FNBP1: variants seen among roughly 807,000 people sequenced by gnomAD.
The protein encoded by FNBP1 is formin-binding protein 1.
Under a neutral mutation model 90.6 loss-of-function variants are expected in FNBP1, and 26 were observed. That is an observed-to-expected ratio of 0.29 (90% CI 0.21 to 0.40). FNBP1 has a LOEUF of 0.40. Ranked by LOEUF, FNBP1 falls within the 10% of genes least tolerant of loss-of-function variation. FNBP1 has a pLI of 1.00. For missense variants in FNBP1, 635 were observed against 768.0 expected, an observed-to-expected ratio of 0.83 and a Z score of 2.05; for synonymous variants, 260 against 265.2, an observed-to-expected ratio of 0.98 and a Z score of 0.19.
At chr9:130,001,477 T>A (rs2054843472) in intron 1 of FNBP1, among the ~76,000 whole-genome samples, 1 of 152,146 alleles carries the variant, frequency 6.6e-6, no homozygotes, top group African/African-American at 2.4e-5. Context: ...AAAAAGACAA[T>A]CCTTAATAAA....
rs557914954 is a variant in FNBP1, at chr9:129,938,034, C to T, written c.514-8339G>A. 2.0e-5 allele frequency among the ~76,000 whole-genome samples: 3 copies of T among 152,004 alleles called. No individual in the cohort carries two copies. The East Asian group carries it at 5.8e-4, about 29-fold the overall frequency. On this transcript the variant is annotated intron_variant, in intron 6 of 16. Coordinates refer to ENST00000446176, the MANE Select transcript of FNBP1 (RefSeq NM_015033.3). ...CAAAAATTAGTCGAGTGTGGTGGTGCGTGCCTGTAGTCCCTGCTCCTAGGA... is the reference window on the plus strand; with the variant it reads ...CAAAAATTAGTCGAGTGTGGTGGTGTGTGCCTGTAGTCCCTGCTCCTAGGA...
intron 1 of FNBP1, among the ~76,000 whole-genome samples, chr9:130,034,403 G>A (rs1303046343): frequency 6.6e-6 from 1 of 151,328 alleles, no homozygotes; most frequent in East Asian, 1.9e-4. Context: ...GGCTCATTTG[G>A]GCCCAGGAGA....
At chr9:129,913,248 G>A (rs2039654967) in intron 11 of FNBP1, among the ~76,000 whole-genome samples, 1 of 152,048 alleles carries the variant, frequency 6.6e-6, no homozygotes, top group South Asian at 2.1e-4. Context: ...GCTACATATG[G>A]TAGTGGCTAC....
chr9:129,950,832 C>T (rs1174939180), intron 6 of FNBP1, among the ~76,000 whole-genome samples: 2 of 152,156 alleles, frequency 1.3e-5, no homozygotes, highest in African/African-American at 4.8e-5. Context: ...CTTGCTCTGT[C>T]ACCCAGGCTG....
intron 1 of FNBP1, among the ~76,000 whole-genome samples, chr9:130,021,999 C>T (rs1297987854): frequency 6.6e-6 from 1 of 151,884 alleles, no homozygotes; most frequent in Non-Finnish European, 1.5e-5. Context: ...GTAGCTGGGA[C>T]CACAGGTGCA....
chr9:129,924,847 T>G (rs987779581), intron 9 of FNBP1, 113 bp downstream of exon 9: 11 of 922,756 alleles, frequency 1.2e-5, no homozygotes, highest in Admixed American at 5.6e-5. Flanking sequence ...CACACTAGCT[T>G]CTTCTTTTGC....
Position 129,896,004 on chromosome 9 carries a change from A to C in FNBP1, c.1688-8T>G. The C allele has an allele frequency of 6.2e-7, 1 of 1,604,448 alleles. No individual in the cohort carries two copies. Among genetic ancestry groups the C allele is most frequent in the African/African-American group, 1.3e-5 (1 of 74,462 alleles). On this transcript the variant is annotated splice_polypyrimidine_tract_variant and splice_region_variant and intron_variant, in intron 15 of 16. Coordinates refer to ENST00000446176, the MANE Select transcript of FNBP1 (RefSeq NM_015033.3). ...TCGTTCCTTCATTCTGACCTGAAAA[A>C]GCAATATCAGGATATGTTAGATGTC... is the stretch of plus-strand genomic sequence containing the variant.
intron 6 of FNBP1, among the ~76,000 whole-genome samples, chr9:129,945,285 T>C (rs1320290709): frequency 6.6e-6 from 1 of 152,216 alleles, no homozygotes; most frequent in Non-Finnish European, 1.5e-5. Context: ...TTTCTCTTCT[T>C]TGCAATAAAA....
At chr9:129,950,667 T>C (rs1280323115) in intron 6 of FNBP1, among the ~76,000 whole-genome samples, 4 of 152,212 alleles carry the variant, frequency 2.6e-5, no homozygotes, top group African/African-American at 9.6e-5. Context: ...ACCCAGGTAA[T>C]GCCCGCTTCG....
intron 12 of FNBP1, 145 bp from the exon 13 acceptor site, chr9:129,903,146 G>A: frequency 4.1e-6 from 3 of 738,924 alleles, no homozygotes; most frequent in South Asian, 3.8e-5. Flanking sequence ...TCACCTCCAG[G>A]GTTCAAGCAA....
intron 8 of FNBP1, 38 bp downstream of exon 8, chr9:129,927,157 C>A (rs1483750897): frequency 1.2e-6 from 2 of 1,606,076 alleles, no homozygotes; most frequent in South Asian, 1.1e-5. Flanking sequence ...AATGGATCTG[C>A]AAATAGTTAT....
chr9:130,035,591 C>T (rs1385957178), intron 1 of FNBP1, among the ~76,000 whole-genome samples: 1 of 152,206 alleles, frequency 6.6e-6, no homozygotes, highest in Non-Finnish European at 1.5e-5. Context: ...CTTTGTCCAG[C>T]ACCTGGGGCA....
intron 12 of FNBP1, among the ~76,000 whole-genome samples, chr9:129,905,310 A>T (rs567365779): frequency 0.021 from 3,100 of 147,616 alleles, 127 homozygotes; most frequent in African/African-American, 0.074. Flanking sequence ...ATATATATAT[A>T]TATTTTGTTA....
At chr9:129,929,175 C>T (rs989843305) in intron 7 of FNBP1, among the ~76,000 whole-genome samples, 21 of 151,804 alleles carry the variant, frequency 1.4e-4, no homozygotes, top group East Asian at 5.8e-4. Context: ...TTTGGGAGGC[C>T]GAGGTAGGCA....
intron 2 of FNBP1, among the ~76,000 whole-genome samples, chr9:129,992,180 G>T (rs1178071027): frequency 1.3e-5 from 2 of 152,180 alleles, no homozygotes; most frequent in Non-Finnish European, 2.9e-5. Flanking sequence ...GAAGAGCAGG[G>T]GCCAGCAAGG....
At chr9:129,918,780 C>T (rs1233126165) in intron 10 of FNBP1, among the ~76,000 whole-genome samples, 1 of 151,510 alleles carries the variant, frequency 6.6e-6, no homozygotes, top group African/African-American at 2.4e-5. Flanking sequence ...GTGTTTTATG[C>T]GTGAAATTCT....
chr9:129,995,032 A>G, intron 1 of FNBP1, 74 bp from the exon 2 acceptor site: 1 of 772,636 alleles, frequency 1.3e-6, no homozygotes, highest in Non-Finnish European at 2.3e-6. Context: ...TAATTCTCTT[A>G]ACAACATATT....
intron 1 of FNBP1, among the ~76,000 whole-genome samples, chr9:130,038,434 G>T (rs1438845653): frequency 7.6e-6 from 1 of 131,254 alleles, no homozygotes; most frequent in Non-Finnish European, 1.6e-5. Context: ...GAGTCGCTCT[G>T]TCGCCCAGGG....
intron 6 of FNBP1, among the ~76,000 whole-genome samples, chr9:129,954,377 C>A (rs2046613208): frequency 1.3e-5 from 2 of 152,008 alleles, no homozygotes; most frequent in Admixed American, 6.6e-5. Flanking sequence ...CTCCAAAACT[C>A]ATAAGTAATG....
Sources: allele counts gnomAD v4.1 joint callset (sites outside exome capture counted in the v4.1 genomes callset), GRCh38; gene constraint gnomAD v4.1.1; transcripts MANE v1.5; gene names NCBI Gene and HGNC (gene_info 2026-07-23, HGNC 2026-07-21).